IGSF21: variants seen among roughly 807,000 people sequenced by gnomAD.
The protein encoded by IGSF21 is immunoglobin superfamily member 21.
In IGSF21, 28 loss-of-function variants were observed where a neutral mutation model predicts 46.8. That is an observed-to-expected ratio of 0.60 (90% CI 0.44 to 0.82). IGSF21 has a LOEUF of 0.82. Ranked by LOEUF, IGSF21 falls within the 40% of genes least tolerant of loss-of-function variation. The pLI, the probability that IGSF21 is intolerant of heterozygous loss-of-function variation, is 0.00. For missense variants in IGSF21, 624 were observed against 665.5 expected, an observed-to-expected ratio of 0.94 and a Z score of 0.69; for synonymous variants, 284 against 273.6, an observed-to-expected ratio of 1.04 and a Z score of -0.38.
At chr1:18,263,806 A>G (rs1346599222) in intron 2 of IGSF21, among the ~76,000 whole-genome samples, 2 of 152,140 alleles carry the variant, frequency 1.3e-5, no homozygotes, top group Non-Finnish European at 2.9e-5. Context: ...TTGCATTTTG[A>G]GAAGTCCTGT....
At chr1:18,156,412 G>T (rs2086568677) in intron 1 of IGSF21, among the ~76,000 whole-genome samples, 1 of 152,188 alleles carries the variant, frequency 6.6e-6, no homozygotes, top group Non-Finnish European at 1.5e-5. Context: ...GAGAAAATCA[G>T]AGAGGCTTAA....
intron 3 of IGSF21, among the ~76,000 whole-genome samples, chr1:18,323,346 C>T (rs2085623444): frequency 6.6e-6 from 1 of 152,070 alleles, no homozygotes; most frequent in Non-Finnish European, 1.5e-5. Context: ...AGCTGAGAGC[C>T]GATGACCTGC....
intron 2 of IGSF21, among the ~76,000 whole-genome samples, chr1:18,247,132 C>T (rs2084792973): frequency 6.7e-6 from 1 of 148,878 alleles, no homozygotes; most frequent in Non-Finnish European, 1.5e-5. Flanking sequence ...CACAGCTGGA[C>T]TTTGAACCCA....
intron 1 of IGSF21, among the ~76,000 whole-genome samples, chr1:18,170,331 T>A (rs2086724676): frequency 1.3e-5 from 2 of 151,948 alleles, no homozygotes; most frequent in African/African-American, 4.8e-5. Flanking sequence ...GATTCTAGAA[T>A]CCAGATTTGT....
At chr1:18,327,259 TAGA>T (rs2085666644) in intron 3 of IGSF21, among the ~76,000 whole-genome samples, 1 of 152,156 alleles carries the variant, frequency 6.6e-6, no homozygotes, top group African/African-American at 2.4e-5. Context: ...GAGCTGCTTC[TAGA>T]AGAAGGCACT....
chr1:18,294,416 GCA>G (rs2085294128), intron 3 of IGSF21, among the ~76,000 whole-genome samples: 1 of 152,112 alleles, frequency 6.6e-6, no homozygotes, highest in South Asian at 2.1e-4. Flanking sequence ...GTTTTGATCT[GCA>G]CAAACAACCC....
chr1:18,217,964 A>G (rs1161263972), intron 1 of IGSF21, among the ~76,000 whole-genome samples: 1 of 152,176 alleles, frequency 6.6e-6, no homozygotes, highest in Admixed American at 6.5e-5. Context: ...TCACATGTTC[A>G]TTTTTTCATT....
rs551758954 is a variant in IGSF21, at chr1:18,234,764, T to C, written c.183+6754T>C. On this transcript the variant is annotated intron_variant, in intron 2 of 9. Transcript: ENST00000251296. The stretch of plus-strand genomic sequence containing the variant: ...ATCCAATCACCTCCCACCGAGTCCC[T>C]TTCACGAACTTGGGAACCACAGTTC... Among the ~76,000 whole-genome samples the C allele has an allele frequency of 2.2e-4, 34 of 152,226 alleles. No homozygotes were observed. In the South Asian group the frequency reaches 6.9e-3, roughly 31 times the overall value.
chr1:18,212,358 A>C (rs2084401438), intron 1 of IGSF21, among the ~76,000 whole-genome samples: 1 of 152,232 alleles, frequency 6.6e-6, no homozygotes, highest in Non-Finnish European at 1.5e-5. Context: ...GCTCAAAGTT[A>C]TAATCTCTCA....
In IGSF21 at chr1:18,311,521, T is replaced by A. The variant is rs1259416150; in HGVS notation, c.305+19534T>A. Among the ~76,000 whole-genome samples, 7 of 152,180 alleles carry A rather than the reference T, an allele frequency of 4.6e-5. No individual in the cohort carries two copies. The East Asian group carries it at 1.3e-3, about 29-fold the overall frequency. The stretch of plus-strand genomic sequence containing the variant: ...AACCATGTGAACAAGTGTCTTCACC[T>A]CTCTGCCATCCATTTCTTTACCTGG... On this transcript the variant is annotated intron_variant, in intron 3 of 9. Coordinates refer to ENST00000251296, the MANE Select transcript of IGSF21 (RefSeq NM_032880.5).
intron 1 of IGSF21, among the ~76,000 whole-genome samples, chr1:18,209,554 A>T (rs1371701992): frequency 6.6e-6 from 1 of 150,592 alleles, no homozygotes; most frequent in African/African-American, 2.4e-5. Flanking sequence ...TGCTGGGTTC[A>T]TGCGATTCTC....
At chr1:18,273,517 T>TTTCTTTCTTTCTTTCTTTCC (rs1356188674) in intron 2 of IGSF21, among the ~76,000 whole-genome samples, 5 of 99,260 alleles carry the variant, frequency 5.0e-5, no homozygotes, top group African/African-American at 2.0e-4. Context: ...TCTTTCTTTC[T>TTTCTTTCTTTCTTTCTTTCC]TTCGTCTTTC....
chr1:18,240,398 G>A (rs1319220689), intron 2 of IGSF21, among the ~76,000 whole-genome samples: 1 of 152,236 alleles, frequency 6.6e-6, no homozygotes. Context: ...TCAAATAAAT[G>A]CTTCTTTCAA....
rs149806020 is a variant in IGSF21 at position 18,177,883 on chromosome 1, G to A, written c.71-50015G>A. Among the ~76,000 whole-genome samples the A allele has an allele frequency of 9.9e-5, 15 of 152,236 alleles. No homozygotes were observed. The South Asian group carries it at 1.5e-3, about 15-fold the overall frequency. ...AAGATGATGAATTTGGATCTCCTAG[G>A]GGGTGGATGAAGAGGCGCTGAGATT... On this transcript the variant is annotated intron_variant, in intron 1 of 9. Coordinates refer to ENST00000251296, the MANE Select transcript of IGSF21 (RefSeq NM_032880.5).
chr1:18,278,745 G>C (rs2085129407), intron 2 of IGSF21: 5 of 441,420 alleles, frequency 1.1e-5, no homozygotes, highest in South Asian at 8.2e-5. Flanking sequence ...TTGTAGAGAT[G>C]GGGTTTCACC....
At chr1:18,368,693 C>T (rs1465952461) in intron 6 of IGSF21, among the ~76,000 whole-genome samples, 3 of 152,116 alleles carry the variant, frequency 2.0e-5, no homozygotes, top group Non-Finnish European at 4.4e-5. Context: ...CCTCTTCCTC[C>T]CCTGACAGAG....
intron 2 of IGSF21, among the ~76,000 whole-genome samples, chr1:18,256,946 G>A (rs1439100992): frequency 2.0e-5 from 3 of 152,122 alleles, no homozygotes; most frequent in Non-Finnish European, 4.4e-5. Flanking sequence ...CATCATTCCA[G>A]GAACTGGCTG....
At position 18,340,988 on chromosome 1, in the gene IGSF21, CTTCTT is replaced by C. The variant is rs1169615907; in HGVS notation, c.424+5979_424+5983del. Among the ~76,000 whole-genome samples, 199 of 128,564 alleles carry C rather than the reference CTTCTT, an allele frequency of 1.5e-3. 1 individual carries two copies. Among genetic ancestry groups the C allele is most frequent in the African/African-American group, 5.8e-3 (180 of 31,072 alleles). The allele number at this position is 128,564 out of a possible 152,430, so 84.3% of individuals were successfully genotyped here. A position where few individuals can be genotyped will look rare whatever the true frequency, so the allele number is the denominator to read the frequency against. On this transcript the variant is annotated intron_variant, in intron 4 of 9. Coordinates refer to ENST00000251296, the MANE Select transcript of IGSF21 (RefSeq NM_032880.5). ...CCTTCTTCTCCTTCTTCTTCTCCTTCTTCTTCTCCTCCTCCTCCTTCTTCTCTTCT... is the reference window on the plus strand; with the variant it reads ...CCTTCTTCTCCTTCTTCTTCTCCTTCCTCCTCCTCCTCCTTCTTCTCTTCT...
At chr1:18,325,047 C>T (rs2085644062) in intron 3 of IGSF21, among the ~76,000 whole-genome samples, 1 of 152,160 alleles carries the variant, frequency 6.6e-6, no homozygotes, top group African/African-American at 2.4e-5. Flanking sequence ...GGGCTGAGCT[C>T]GAGTGTAGAC....
Sources: allele counts gnomAD v4.1 joint callset (sites outside exome capture counted in the v4.1 genomes callset), GRCh38; gene constraint gnomAD v4.1.1; transcripts MANE v1.5; gene names NCBI Gene and HGNC (gene_info 2026-07-23, HGNC 2026-07-21).